Variants in TRANK1 observed in about 807,000 individuals in gnomAD.
TRANK1 encodes tetratricopeptide repeat and ankyrin repeat containing 1, also known as TPR and ankyrin repeat-containing protein 1.
A neutral mutation model predicts 266.0 loss-of-function variants in TRANK1; 198 were observed. The observed-to-expected ratio is 0.74, with a 90% CI of 0.66 to 0.84. TRANK1 has a LOEUF of 0.84. Ranked by LOEUF, TRANK1 falls within the 40% of genes least tolerant of loss-of-function variation. The pLI is 0.00. For missense variants in TRANK1, 3,326 were observed against 3,634.6 expected, an observed-to-expected ratio of 0.92 and a Z score of 2.18; for synonymous variants, 1,396 against 1,384.1, an observed-to-expected ratio of 1.01 and a Z score of -0.19.
intron 6 of TRANK1, 22 bp from the exon 7 acceptor site, chr3:36,892,362 G>A (rs943065186): frequency 5.2e-6 from 8 of 1,536,544 alleles, no homozygotes; most frequent in African/African-American, 1.4e-5. Context: ...AAACACACAG[G>A]ACAAATTATG....
At chr3:36,886,066 T>C (rs2079599030) in intron 8 of TRANK1, among the ~76,000 whole-genome samples, 1 of 151,460 alleles carries the variant, frequency 6.6e-6, no homozygotes, top group East Asian at 1.9e-4. Context: ...GAGGTCATAG[T>C]GGCAGCCTAT....
At chr3:36,866,160 T>G (rs919818203) in intron 9 of TRANK1, among the ~76,000 whole-genome samples, 10 of 152,106 alleles carry the variant, frequency 6.6e-5, no homozygotes, top group Non-Finnish European at 1.5e-4. Context: ...TTTTTTTTAT[T>G]AGGTATCAAA....
In TRANK1 at chr3:36,855,418, T is replaced by C. The variant is rs776477166; in HGVS notation, c.4304A>G (p.Tyr1435Cys). ...GGTAAAGTCTTGAATCTCATCACCATAGAGCTCGTGGATGGACCATGGGAG... is the reference window on the plus strand; with the variant it reads ...GGTAAAGTCTTGAATCTCATCACCACAGAGCTCGTGGATGGACCATGGGAG... The part of the protein sequence containing the change: ...RVLPWSIHEL[Y>C]GDEIQDFTQA... Residue 1435 changes from tyrosine (Y) to cysteine (C), a missense_variant, in exon 13 of 24, where the codon TAT becomes TGT. By Grantham distance (194) the Tyr-to-Cys change is radical. Coordinates refer to ENST00000645898, the MANE Select transcript of TRANK1 (RefSeq NM_001329998.2). 7.8e-5 allele frequency: 126 copies of C among 1,613,838 alleles called. No homozygotes were observed. Among genetic ancestry groups the C allele is most frequent in the East Asian group, 1.3e-4 (6 of 44,888 alleles).
At chr3:36,884,507 C>T (rs932178529) in intron 8 of TRANK1, among the ~76,000 whole-genome samples, 4 of 152,120 alleles carry the variant, frequency 2.6e-5, no homozygotes, top group African/African-American at 9.7e-5. Flanking sequence ...GCTGGAGCAA[C>T]GTTAGCAACA....
chr3:36,879,715 TAAATATATAAATATATATAAATATAC>T lies in TRANK1; in HGVS notation c.908-5445_908-5420del, dbSNP rs2079459607. Among the ~76,000 whole-genome samples, 3 of 102,384 alleles carry T rather than the reference TAAATATATAAATATATATAAATATAC, an allele frequency of 2.9e-5. 1 individual carries two copies. The highest frequency in any genetic ancestry group is 1.2e-4 in the African/African-American group (3 of 25,124). 67.2% of individuals were successfully genotyped at this position (102,384 alleles called of 152,430 possible). On this transcript the variant is annotated intron_variant, in intron 8 of 23. Coordinates refer to ENST00000645898, the MANE Select transcript of TRANK1 (RefSeq NM_001329998.2). Reference sequence around the variant, plus strand: ...ATATATAAATATAAATATAAATATATAAATATATAAATATATATAAATATACAAATATATAAATATATATAAATATA... The same window carrying T: ...ATATATAAATATAAATATAAATATATAAATATATAAATATATATAAATATA...
In TRANK1 at chr3:36,857,178, A is replaced by G; in HGVS notation, c.2544T>C (p.Ser848=). The part of the protein sequence containing the change: ...CTSEMLKKLS[S]KVMTKVIKKK... Reference sequence around the variant, plus strand: ...TCTTGATGACCTTGGTCATTACCTTACTAGACAGCTTCTTCAGCATTTCTG... The same window carrying G: ...TCTTGATGACCTTGGTCATTACCTTGCTAGACAGCTTCTTCAGCATTTCTG... The change falls in exon 13 of 24, where the codon AGT becomes AGC. Residue 848 remains serine (S), a synonymous_variant. Transcript: ENST00000645898. The surrounding 1 kb of genome is among the most constrained non-coding windows in gnomAD (Gnocchi z 4.3). 6.2e-7 allele frequency: 1 copy of G among 1,613,924 alleles called. No individual in the cohort carries two copies. The highest frequency in any genetic ancestry group is 8.5e-7 in the Non-Finnish European group (1 of 1,179,892).
At chr3:36,915,014 C>G (rs191192947) in intron 1 of TRANK1, among the ~76,000 whole-genome samples, 17 of 151,884 alleles carry the variant, frequency 1.1e-4, no homozygotes, top group Non-Finnish European at 5.9e-5. Flanking sequence ...TGCAGTGGCC[C>G]GATCTCCACT....
At chr3:36,928,376 T>A (rs2080317365) in intron 1 of TRANK1, among the ~76,000 whole-genome samples, 1 of 152,162 alleles carries the variant, frequency 6.6e-6, no homozygotes, top group Non-Finnish European at 1.5e-5. Flanking sequence ...AACTTTAAAG[T>A]CCTGTTTCCC....
chr3:36,866,034 G>A (rs547541995), intron 9 of TRANK1, among the ~76,000 whole-genome samples: 2 of 147,090 alleles, frequency 1.4e-5, no homozygotes, highest in African/African-American at 5.1e-5. Context: ...GAAAGAGAGA[G>A]AGAGACAGAC....
At chr3:36,913,910 G>A (rs997756850) in intron 1 of TRANK1, among the ~76,000 whole-genome samples, 9 of 151,662 alleles carry the variant, frequency 5.9e-5, no homozygotes, top group African/African-American at 1.2e-4. Context: ...TATCCCCTTC[G>A]CCCATCAACT....
At chr3:36,893,776 G>C (rs2079745633) in intron 5 of TRANK1, among the ~76,000 whole-genome samples, 1 of 152,124 alleles carries the variant, frequency 6.6e-6, no homozygotes, top group South Asian at 2.1e-4. Context: ...TGGAGACCCA[G>C]TCTCAGCTCC....
At position 36,832,870 on chromosome 3, in the gene TRANK1, G is replaced by C. The variant is rs758833598; in HGVS notation, c.6713C>G (p.Ala2238Gly). The change falls in exon 22 of 24, where the codon GCC (alanine) becomes GGC (glycine). Residue 2238 changes from alanine (A) to glycine (G), a missense_variant. Physicochemically the swap from Ala to Gly is moderately conservative, Grantham distance 60 (BLOSUM62 0). Coordinates refer to ENST00000645898, the MANE Select transcript of TRANK1 (RefSeq NM_001329998.2). ...LVAINGLLLE[A>G]KKVFPKILAE... Reference sequence around the variant, plus strand: ...TAAGATTTTAGGGAATACTTTTTTGGCTTCCAAAAGCAACCCGTTGATTGC... The same window carrying C: ...TAAGATTTTAGGGAATACTTTTTTGCCTTCCAAAAGCAACCCGTTGATTGC... The C allele has an allele frequency of 1.9e-6, 3 of 1,613,496 alleles. No homozygotes were observed. In the East Asian group the frequency reaches 6.7e-5, roughly 36 times the overall value.
rs988818782 is a variant in TRANK1 at position 36,905,509 on chromosome 3, G to A, written c.156-2234C>T. Among the ~76,000 whole-genome samples, 3 of 152,242 alleles carry A rather than the reference G, an allele frequency of 2.0e-5. No homozygotes were observed. In the South Asian group the frequency reaches 6.2e-4, roughly 32 times the overall value. On this transcript the variant is annotated intron_variant, in intron 2 of 23. Transcript: ENST00000645898. ...CAAGCCAGGAAGACAGCCCTCACAGGGGGCAGCTTGATCTTGGACTTCCCA... is the reference window on the plus strand; with the variant it reads ...CAAGCCAGGAAGACAGCCCTCACAGAGGGCAGCTTGATCTTGGACTTCCCA...
chr3:36,866,106 A>AAG (rs1236913499), intron 9 of TRANK1, among the ~76,000 whole-genome samples: 1 of 148,160 alleles, frequency 6.7e-6, no homozygotes, highest in Non-Finnish European at 1.5e-5. Context: ...GAAAGAAAGA[A>AAG]AGAAAGAAAG....
chr3:36,908,152 C>A (rs2080000665), intron 2 of TRANK1, among the ~76,000 whole-genome samples, 171 bp downstream of exon 2: 1 of 152,166 alleles, frequency 6.6e-6, no homozygotes, highest in South Asian at 2.1e-4. Flanking sequence ...TATTTCCCTT[C>A]TTACACAATC....
chr3:36,870,322 G>T (rs1268025026), intron 9 of TRANK1, among the ~76,000 whole-genome samples: 2 of 151,996 alleles, frequency 1.3e-5, no homozygotes, highest in Non-Finnish European at 2.9e-5. Context: ...CAGGAGAATC[G>T]CTTGGACCCG....
At chr3:36,851,496 C>A in intron 15 of TRANK1, 1 of 1,254,946 alleles carries the variant, frequency 8.0e-7, no homozygotes, top group South Asian at 2.2e-5. Context: ...AAGGGCAGGG[C>A]ACAGGGGGAA....
chr3:36,864,545 TA>T (rs2079187213), intron 9 of TRANK1, 65 bp from the exon 10 acceptor site: 2 of 1,425,560 alleles, frequency 1.4e-6, no homozygotes, highest in Non-Finnish European at 1.9e-6. Flanking sequence ...ATTGCAAAAA[TA>T]ACCACAATTC....
intron 2 of TRANK1, 110 bp from the exon 3 acceptor site, chr3:36,903,385 G>A: frequency 7.4e-7 from 1 of 1,346,424 alleles, no homozygotes; most frequent in Non-Finnish European, 1.0e-6. Context: ...GTTTCAGTAG[G>A]AAATGACTCA....
Sources: allele counts gnomAD v4.1 joint callset (sites outside exome capture counted in the v4.1 genomes callset), GRCh38; gene constraint gnomAD v4.1.1; non-coding constraint Gnocchi (gnomAD v3.1); transcripts MANE v1.5; gene names NCBI Gene and HGNC (gene_info 2026-07-23, HGNC 2026-07-21).